The following ENTREP1 variants were observed in gnomAD, a reference collection of about 807,000 sequenced individuals.
The protein encoded by ENTREP1 is Friedreich ataxia region gene X123.
At chr9:69,356,958 T>C in the ENTREP1 span, among the ~76,000 whole-genome samples, 1 of 152,068 alleles carries the variant, frequency 6.6e-6, no homozygotes, top group Non-Finnish European at 1.5e-5. Flanking sequence ...TTGCTTGGCT[T>C]ATAAGAAATC....
At chr9:69,335,852 C>CGTGCGCCTGTAGTCCTGAT in the ENTREP1 span, among the ~76,000 whole-genome samples, 3 of 152,072 alleles carry the variant, frequency 2.0e-5, no homozygotes, top group East Asian at 1.9e-4. Context: ...GTAGTCCTGA[C>CGTGCGCCTGTAGTCCTGAT]GTGCGCCTGT....
At chr9:69,384,201 G>A in the ENTREP1 span, among the ~76,000 whole-genome samples, 4 of 115,908 alleles carry the variant, frequency 3.5e-5, no homozygotes, top group Admixed American at 9.2e-5. Flanking sequence ...TTCTACAAAC[G>A]GAAAAAAAAA....
At chr9:69,349,037 A>C in the ENTREP1 span, among the ~76,000 whole-genome samples, 1 of 151,722 alleles carries the variant, frequency 6.6e-6, no homozygotes, top group African/African-American at 2.4e-5. Flanking sequence ...TACAAAAATT[A>C]GCCAGGCATG....
chr9:69,342,709 C>A, the ENTREP1 span, among the ~76,000 whole-genome samples: 3 of 152,206 alleles, frequency 2.0e-5, no homozygotes, highest in Non-Finnish European at 4.4e-5. Flanking sequence ...TTTAATCATT[C>A]GTTGATAAAA....
the ENTREP1 span, among the ~76,000 whole-genome samples, chr9:69,369,594 C>CTTTTT: frequency 1.4e-5 from 2 of 145,162 alleles, no homozygotes; most frequent in Admixed American, 6.9e-5. Flanking sequence ...AGATGATGAG[C>CTTTTT]TTTTTTTTTT....
the ENTREP1 span, chr9:69,388,151 C>T: frequency 1.9e-6 from 3 of 1,614,078 alleles, no homozygotes; most frequent in Non-Finnish European, 2.5e-6. Flanking sequence ...TTTGTTTCTG[C>T]CCACAGCTGC....
At chr9:69,334,251 A>C in the ENTREP1 span, among the ~76,000 whole-genome samples, 1 of 152,172 alleles carries the variant, frequency 6.6e-6, no homozygotes, top group East Asian at 1.9e-4. Flanking sequence ...ATCCTATTGG[A>C]TTTAAAGGGA....
the ENTREP1 span, among the ~76,000 whole-genome samples, chr9:69,348,494 G>T: frequency 6.6e-6 from 1 of 152,058 alleles, no homozygotes; most frequent in Non-Finnish European, 1.5e-5. Context: ...CAATTCAATG[G>T]ATTTTTAGCC....
the ENTREP1 span, among the ~76,000 whole-genome samples, chr9:69,358,898 C>CTTTTTTTTTTTTT: frequency 8.3e-6 from 1 of 121,180 alleles, no homozygotes; most frequent in Non-Finnish European, 1.7e-5. Context: ...TTTTCTTTTT[C>CTTTTTTTTTTTTT]TTTCTTTTTT....
At chr9:69,359,125 C>T in the ENTREP1 span, among the ~76,000 whole-genome samples, 2 of 151,904 alleles carry the variant, frequency 1.3e-5, no homozygotes, top group African/African-American at 2.4e-5. Flanking sequence ...AGGCTGGTCT[C>T]GATCTCCTGA....
chr9:69,337,575 A>G, the ENTREP1 span, among the ~76,000 whole-genome samples: 467 of 152,238 alleles, frequency 3.1e-3, 5 homozygotes, highest in African/African-American at 1.0e-2. Context: ...AACATTTCCA[A>G]TGTTCATCCT....
the ENTREP1 span, among the ~76,000 whole-genome samples, chr9:69,352,056 GTTTTC>G: frequency 6.6e-6 from 1 of 151,994 alleles, no homozygotes; most frequent in African/African-American, 2.4e-5. Context: ...TGAGTAATCT[GTTTTC>G]TTTTTTGGGG....
At chr9:69,337,979 C>T in the ENTREP1 span, among the ~76,000 whole-genome samples, 3 of 152,026 alleles carry the variant, frequency 2.0e-5, no homozygotes, top group Non-Finnish European at 2.9e-5. Context: ...AAGCATATTG[C>T]GGAATCTTTG....
chr9:69,385,961 C>G, the ENTREP1 span: 3 of 1,590,690 alleles, frequency 1.9e-6, no homozygotes, highest in African/African-American at 2.7e-5. Context: ...ATGTCATTCC[C>G]CAAGCTCTTC....
the ENTREP1 span, among the ~76,000 whole-genome samples, chr9:69,349,427 T>G: frequency 6.6e-6 from 1 of 152,314 alleles, no homozygotes; most frequent in South Asian, 2.1e-4. Context: ...TTCTCCACGG[T>G]TTTGCCAACA....
At chr9:69,371,723 A>G in the ENTREP1 span, 1 of 742,866 alleles carries the variant, frequency 1.3e-6, no homozygotes, top group South Asian at 1.5e-5. Flanking sequence ...GAAACCTGAA[A>G]TGGGTAAAGG....
At chr9:69,347,653 G>A in the ENTREP1 span, among the ~76,000 whole-genome samples, 1 of 152,146 alleles carries the variant, frequency 6.6e-6, no homozygotes, top group African/African-American at 2.4e-5. Flanking sequence ...TGAAGTGACT[G>A]GAGGACTTTT....
chr9:69,333,936 C>T, the ENTREP1 span, among the ~76,000 whole-genome samples: 2 of 152,204 alleles, frequency 1.3e-5, no homozygotes, highest in Non-Finnish European at 2.9e-5. Context: ...TACGTGCCTA[C>T]ACCCTGAGTC....
At chr9:69,337,933 T>C in the ENTREP1 span, among the ~76,000 whole-genome samples, 2 of 152,196 alleles carry the variant, frequency 1.3e-5, no homozygotes, top group African/African-American at 4.8e-5. Flanking sequence ...GGGCAATCAA[T>C]ACAAAACTCC....
Sources: gnomAD v4.1 joint callset for allele counts (sites outside exome capture counted in the v4.1 genomes callset) on GRCh38, gnomAD v4.1.1 for gene constraint, MANE v1.5 for transcripts, NCBI Gene and HGNC (gene_info 2026-07-23, HGNC 2026-07-21) for gene names.